Variants in TGM5 observed in about 807,000 individuals in gnomAD.
The protein encoded by TGM5 is transglutaminase 5.
A neutral mutation model predicts 77.2 loss-of-function variants in TGM5; 69 were observed. That is an observed-to-expected ratio of 0.89 (90% CI 0.74 to 1.09). TGM5 has a LOEUF of 1.09. TGM5 is among the 50% of genes least tolerant of loss of function. TGM5 has a pLI of 0.00. For missense variants in TGM5, 842 were observed against 896.5 expected (o/e 0.94, Z 0.78); for synonymous variants, 346 against 351.8 (o/e 0.98, Z 0.18).
intron 1 of TGM5, among the ~76,000 whole-genome samples, chr15:43,261,090 T>TTTTTTTTTTGTTTTTTG (rs2042786280): frequency 1.0e-5 from 1 of 97,118 alleles, no homozygotes; most frequent in African/African-American, 5.1e-5. Context: ...TTTTTTTTTT[T>TTTTTTTTTTGTTTTTTG]TTTTTTTTTT....
chr15:43,251,527 T>A (rs1344334052), intron 6 of TGM5, among the ~76,000 whole-genome samples: 8 of 152,212 alleles, frequency 5.3e-5, no homozygotes, highest in Admixed American at 5.2e-4. Flanking sequence ...GATCTGGTAT[T>A]CTTGGATTCC....
intron 1 of TGM5, among the ~76,000 whole-genome samples, chr15:43,263,201 AAAG>A (rs2042802026): frequency 6.6e-6 from 1 of 152,260 alleles, no homozygotes; most frequent in Non-Finnish European, 1.5e-5. Context: ...GAAAGAAATT[AAAG>A]AAGACCTAAA....
chr15:43,236,843 C>T (rs1041928110), intron 9 of TGM5, among the ~76,000 whole-genome samples: 3 of 151,944 alleles, frequency 2.0e-5, no homozygotes, highest in African/African-American at 7.3e-5. Context: ...GTGGCAGGCA[C>T]CTATAATCCC....
chr15:43,233,420 C>A, intron 12 of TGM5, 76 bp from the exon 13 acceptor site: 1 of 1,611,386 alleles, frequency 6.2e-7, no homozygotes, highest in Non-Finnish European at 8.5e-7. Context: ...ACCCAGCTTC[C>A]TGAGTGGGAG....
In TGM5 at chr15:43,260,447, C is replaced by G; in HGVS notation, c.143G>C (p.Arg48Pro). The change falls in exon 2 of 13, where the codon CGG becomes CCG. Residue 48 changes from arginine (R) to proline (P), a missense_variant. Coordinates refer to ENST00000220420, the MANE Select transcript of TGM5 (RefSeq NM_201631.4). ...AFNLTLYFRN[R>P]SFQPGLDNII... ...GTTGTCCAGGCCTGGCTGGAAGCTC[C>G]GGTTCCTGAAGTACAGGGTGAGGTT... The G allele has an allele frequency of 6.2e-7, 1 of 1,614,168 alleles. No homozygotes were observed. Among genetic ancestry groups the G allele is most frequent in the South Asian group, 1.1e-5 (1 of 91,080 alleles).
intron 3 of TGM5, among the ~76,000 whole-genome samples, chr15:43,258,406 TC>T (rs1379189685): frequency 6.6e-6 from 1 of 152,172 alleles, no homozygotes; most frequent in Non-Finnish European, 1.5e-5. Context: ...TTAAAAATTA[TC>T]TTTTTAAAGT....
rs982155437 is a variant in TGM5, at chr15:43,245,404, G to A, written c.863-4414C>T. ...TGCTCTTTATCCCATGCCTTTAATC[G>A]TCCCTTATAACCAAGATGATCATAT... On this transcript the variant is annotated intron_variant, in intron 6 of 12. Coordinates refer to ENST00000220420, the MANE Select transcript of TGM5 (RefSeq NM_201631.4). Among the ~76,000 whole-genome samples, 10 of 151,900 alleles carry A rather than the reference G, an allele frequency of 6.6e-5. No homozygotes were observed. In the East Asian group the frequency reaches 7.7e-4, roughly 12 times the overall value.
intron 1 of TGM5, among the ~76,000 whole-genome samples, chr15:43,261,084 T>TTG (rs2042785252): frequency 2.1e-5 from 2 of 95,238 alleles, no homozygotes; most frequent in Non-Finnish European, 4.3e-5. Flanking sequence ...GTGTTTTTTT[T>TTG]TTTTTTTTTT....
In TGM5 at chr15:43,239,062, G is replaced by A; in HGVS notation, c.1106-6C>T. The A allele has an allele frequency of 1.2e-6, 2 of 1,614,100 alleles. No individual in the cohort carries two copies. The highest frequency in any genetic ancestry group is 8.5e-7 in the Non-Finnish European group (1 of 1,180,006). ...AGGGCCACAGCAGTAGACGCCTGAA[G>A]GAGAACAGGGGAGCCTCGGTGGGCT... On this transcript the variant is annotated splice_region_variant and splice_polypyrimidine_tract_variant and intron_variant, in intron 8 of 12. Coordinates refer to ENST00000220420, the MANE Select transcript of TGM5 (RefSeq NM_201631.4).
chr15:43,244,880 C>A (rs2042660399), intron 6 of TGM5, among the ~76,000 whole-genome samples: 1 of 151,884 alleles, frequency 6.6e-6, no homozygotes, highest in Non-Finnish European at 1.5e-5. Flanking sequence ...CCAGCCTGGG[C>A]AACATAGTGA....
intron 5 of TGM5, 26 bp from the exon 6 acceptor site, chr15:43,252,962 GTT>G: frequency 6.2e-7 from 1 of 1,610,044 alleles, no homozygotes; most frequent in Non-Finnish European, 8.5e-7. Context: ...ATAGAGAAGT[GTT>G]AGAAACATCC....
rs140838177 is a variant in TGM5, at chr15:43,250,966, C to G, written c.862+1793G>C. Among the ~76,000 whole-genome samples the G allele has an allele frequency of 3.7e-4, 56 of 152,324 alleles. No individual in the cohort carries two copies. In the East Asian group the frequency reaches 0.01, roughly 28 times the overall value. ...ATCTCCATTCACTGGCTCCACTTCT[C>G]TCATCACGCAGTTCCAGACAACCAC... is the stretch of plus-strand genomic sequence containing the variant. On this transcript the variant is annotated intron_variant, in intron 6 of 12. Coordinates refer to ENST00000220420, the MANE Select transcript of TGM5 (RefSeq NM_201631.4).
Position 43,235,813 on chromosome 15 carries a change from A to C in TGM5, c.1370T>G (p.Phe457Cys), listed in dbSNP as rs770360924. The change falls in exon 10 of 13, where the codon TTT (phenylalanine) becomes TGT (cysteine). Residue 457 changes from phenylalanine to cysteine, a missense_variant. Coordinates refer to ENST00000220420, the MANE Select transcript of TGM5 (RefSeq NM_201631.4). ...EEGSLQERQV[F>C]LKALQKLKAR... ...CTTCAGCTTCTGCAGAGCCTTCAGA[A>C]ACACCTGCCTCTCCTGGAGGGATCC... The C allele has an allele frequency of 6.2e-7, 1 of 1,614,090 alleles. No homozygotes were observed. The highest frequency in any genetic ancestry group is 8.5e-7 in the Non-Finnish European group (1 of 1,180,018).
At chr15:43,261,075 TG>T (rs746960401) in intron 1 of TGM5, among the ~76,000 whole-genome samples, 1,082 of 13,094 alleles carry the variant, frequency 0.083, 112 homozygotes, top group Non-Finnish European at 0.092. Context: ...TTTGTGTGTG[TG>T]TTTTTTTTTT....
intron 6 of TGM5, among the ~76,000 whole-genome samples, chr15:43,250,668 G>A (rs1225867292): frequency 2.0e-5 from 3 of 152,212 alleles, no homozygotes; most frequent in Non-Finnish European, 4.4e-5. Flanking sequence ...CAGAAGCTGG[G>A]TCTTACCCAT....
In TGM5 at chr15:43,235,727, G is replaced by C. The variant is rs1385685805; in HGVS notation, c.1456C>G (p.Leu486Val). The C allele has an allele frequency of 6.2e-7, 1 of 1,614,224 alleles. No individual in the cohort carries two copies. The highest frequency in any genetic ancestry group is 1.1e-5 in the South Asian group (1 of 91,090). Residue 486 changes from leucine (L) to valine (V), a missense_variant, in exon 10 of 13, where the codon CTG (leucine) becomes GTG (valine). Leu to Val is a conservative substitution (Grantham distance 32). Coordinates refer to ENST00000220420, the MANE Select transcript of TGM5 (RefSeq NM_201631.4). ...AGGCTCCGAGGGCTGTCCTGGCTCA[G>C]TGATGTGGGCCTGGAAGGTTGCAAC... is the stretch of plus-strand genomic sequence containing the variant. The part of the protein sequence containing the change: ...AELQPSRPTS[L>V]SQDSPRSLHT...
rs770427454 is a variant in TGM5, at chr15:43,240,843, G to T, written c.1001+9C>A. 30 of 1,614,104 alleles carry T rather than the reference G, an allele frequency of 1.9e-5. No individual in the cohort carries two copies. The highest frequency in any genetic ancestry group is 2.5e-5 in the Non-Finnish European group (29 of 1,180,010). On this transcript the variant is annotated intron_variant, in intron 7 of 12. Coordinates refer to ENST00000220420, the MANE Select transcript of TGM5 (RefSeq NM_201631.4). The stretch of plus-strand genomic sequence containing the variant: ...GGCCCTAGAAATAGGTTGAGAGGTT[G>T]TTTCTCACCAGATAGTATCCTTCTT...
rs765513911 is a variant in TGM5 at position 43,235,500 on chromosome 15, G to A, written c.1683C>T (p.Asp561=). The stretch of plus-strand genomic sequence containing the variant: ...TAGGAGAGAGTGTGATGAACGCTGT[G>A]TCCTGCCAGAATGGGGACAGGGGGC... ...DGSPLSPFWQ[D]TAFITLSPKE... is the part of the protein sequence containing the mutation. The change falls in exon 10 of 13, where the codon GAC becomes GAT. Residue 561 remains aspartate, a synonymous_variant. Coordinates refer to ENST00000220420, the MANE Select transcript of TGM5 (RefSeq NM_201631.4). 5 of 1,614,060 alleles carry A rather than the reference G, an allele frequency of 3.1e-6. No homozygotes were observed. The African/African-American group carries it at 5.3e-5, about 17-fold the overall frequency.
At chr15:43,235,884 G>A in intron 9 of TGM5, 47 bp from the exon 10 acceptor site, 4 of 1,609,324 alleles carry the variant, frequency 2.5e-6, no homozygotes, top group Non-Finnish European at 3.4e-6. Flanking sequence ...AGGCTGACCG[G>A]GGTAGACTGA....
Sources: gnomAD v4.1 joint callset for allele counts (sites outside exome capture counted in the v4.1 genomes callset) on GRCh38, gnomAD v4.1.1 for gene constraint, MANE v1.5 for transcripts, NCBI Gene and HGNC (gene_info 2026-07-23, HGNC 2026-07-21) for gene names.